The following ZNF577 variants were observed in gnomAD, a reference collection of about 807,000 sequenced individuals.
The protein encoded by ZNF577 is zinc finger protein 577.
ZNF577 carries 14 observed loss-of-function variants against 13.9 expected under a neutral mutation model. The ratio of observed to expected loss-of-function variants is 1.00; its 90% CI spans 0.66 to 1.57. The LOEUF (loss-of-function observed/expected upper bound fraction) is 1.57, where lower values mean the gene tolerates loss of function less well. Among genes scored for constraint, ZNF577 ranks in the 40% most tolerant of loss-of-function variants. The probability of loss-of-function intolerance (pLI) is 0.00; values close to 1 mark genes in which losing one functional copy is unlikely to be tolerated. For synonymous variants in ZNF577, 203 were observed against 202.9 expected (o/e 1.00, Z 0.00); for missense variants, 555 against 579.2 (o/e 0.96, Z 0.43).
intron 5 of ZNF577, among the ~76,000 whole-genome samples, chr19:51,852,914 T>G (rs2084386061): frequency 6.6e-6 from 1 of 150,826 alleles, no homozygotes; most frequent in African/African-American, 2.5e-5. Context: ...AATGGCTCTT[T>G]AAAAGACAGT....
intron 9 of ZNF577, among the ~76,000 whole-genome samples, chr19:51,837,557 CACA>C (rs2084294803): frequency 6.6e-6 from 1 of 152,112 alleles, no homozygotes; most frequent in South Asian, 2.1e-4. Flanking sequence ...CACATTTGTT[CACA>C]ACATGAATGC....
At chr19:51,883,502 T>G (rs958516270) in intron 1 of ZNF577, among the ~76,000 whole-genome samples, 1 of 152,072 alleles carries the variant, frequency 6.6e-6, no homozygotes, top group Non-Finnish European at 1.5e-5. Flanking sequence ...GTAGTTCAAC[T>G]TAGAGGTTTG....
rs928166644 is a variant in ZNF577 at position 51,842,857 on chromosome 19, T to A, written c.*338A>T. 7 of 152,250 alleles carry A rather than the reference T, an allele frequency of 4.6e-5. No individual in the cohort carries two copies. The East Asian group carries it at 1.3e-3, about 29-fold the overall frequency. 9.4% of individuals were successfully genotyped at this position (152,250 alleles called of 1,614,324 possible). On this transcript the variant is annotated 3_prime_UTR_variant and NMD_transcript_variant, in exon 8 of 11. Transcript: ENST00000638827. Reference sequence around the variant, plus strand: ...CAACTTGGGAATTCTCTCTCTACTATTCCTTGTTCTTCTTTCCCCAACTGG... The same window carrying A: ...CAACTTGGGAATTCTCTCTCTACTAATCCTTGTTCTTCTTTCCCCAACTGG...
intron 9 of ZNF577, among the ~76,000 whole-genome samples, chr19:51,833,931 C>T (rs1411463100): frequency 6.6e-6 from 1 of 152,144 alleles, no homozygotes; most frequent in African/African-American, 2.4e-5. Context: ...TATGTTGATA[C>T]ATGCATACAA....
At chr19:51,863,471 T>C (rs1178066052), downstream of ZNF577, among the ~76,000 whole-genome samples, 1 of 152,254 alleles carries the variant, frequency 6.6e-6, no homozygotes, top group Non-Finnish European at 1.5e-5. Flanking sequence ...TTGATCACAG[T>C]ATTCTGATTA....
intron 5 of ZNF577, among the ~76,000 whole-genome samples, chr19:51,847,114 T>G (rs1236578469): frequency 6.6e-6 from 1 of 152,180 alleles, no homozygotes. Flanking sequence ...TAATTTCAAG[T>G]GTATACAAAC....
Position 51,872,735 on chromosome 19 carries a change from A to T in ZNF577, c.1255T>A (p.Ser419Thr), listed in dbSNP as rs776722974. ...TTTAACAATGGCGGGGTTCCTGAGG[A>T]AGGCATTTCTATAGGTACTGTGTTC... ...TVNTVPIEMP[S>T]SGTPPLLNKS... Residue 419 changes from serine (S) to threonine (T), a missense_variant, in exon 6 of 6, where the codon TCC (serine) becomes ACC (threonine). Physicochemically the swap from Ser to Thr is moderately conservative, Grantham distance 58. Coordinates refer to ENST00000638348, the MANE Select transcript of ZNF577 (RefSeq NM_001370449.1). 1.2e-6 allele frequency: 2 copies of T among 1,614,182 alleles called. No homozygotes were observed. Among genetic ancestry groups the T allele is most frequent in the Middle Eastern group, 1.6e-4 (1 of 6,062 alleles).
chr19:51,877,151 G>T, intron 5 of ZNF577, 131 bp downstream of exon 5: 1 of 665,540 alleles, frequency 1.5e-6, no homozygotes. Context: ...ATGCAGAAAG[G>T]CTGATTAGGT....
Position 51,876,732 on chromosome 19 carries a change from C to T in ZNF577, c.283+550G>A, listed in dbSNP as rs190051285. Among the ~76,000 whole-genome samples, 1,440 of 151,968 alleles carry T rather than the reference C, an allele frequency of 9.5e-3. 13 individuals carry two copies. The highest frequency in any genetic ancestry group is 0.016 in the Admixed American group (244 of 15,264). On this transcript the variant is annotated intron_variant, in intron 5 of 5. Transcript: ENST00000638348. Reference sequence around the variant, plus strand: ...CATGAGGTCAGGAGTTTGAGACCAGCCTGGCCAATGTAGTGAAAACTCGTC... The same window carrying T: ...CATGAGGTCAGGAGTTTGAGACCAGTCTGGCCAATGTAGTGAAAACTCGTC...
At chr19:51,851,489 C>T (rs1318523547) in intron 5 of ZNF577, among the ~76,000 whole-genome samples, 1 of 152,124 alleles carries the variant, frequency 6.6e-6, no homozygotes, top group African/African-American at 2.4e-5. Flanking sequence ...ATTCTTTCAA[C>T]TTTCCCATAC....
intron 9 of ZNF577, among the ~76,000 whole-genome samples, chr19:51,812,894 G>T (rs1420844645): frequency 6.6e-6 from 1 of 152,148 alleles, no homozygotes; most frequent in Non-Finnish European, 1.5e-5. Flanking sequence ...TCTGAGGTGG[G>T]TGAATCACCT....
chr19:51,824,978 A>G lies in ZNF577; in HGVS notation c.*600-13304T>C. ...GGTTTTTCCCACAACCAAGCAATAG[A>G]CACCAGCTGGGTGTCCTACAATTAA... is the stretch of plus-strand genomic sequence containing the variant. On this transcript the variant is annotated intron_variant and NMD_transcript_variant, in intron 9 of 10. Coordinates refer to the ZNF577 transcript ENST00000638827. This position sits in a 1 kb window ranked among gnomAD's most constrained non-coding sequence, Gnocchi z 4.7. 1 of 610,862 alleles carries G rather than the reference A, an allele frequency of 1.6e-6. No homozygotes were observed. The highest frequency in any genetic ancestry group is 2.9e-6 in the Non-Finnish European group (1 of 340,484). The allele number at this position is 610,862 out of a possible 1,614,324, so 37.8% of individuals were successfully genotyped here.
intron 9 of ZNF577, among the ~76,000 whole-genome samples, chr19:51,830,187 A>C: frequency 6.6e-6 from 1 of 151,358 alleles, no homozygotes; most frequent in South Asian, 2.1e-4. Context: ...AATATAAATT[A>C]GTAGAAATTG....
At chr19:51,877,755 G>A in intron 4 of ZNF577, 1 of 175,918 alleles carries the variant, frequency 5.7e-6, no homozygotes, top group Non-Finnish European at 1.2e-5. Flanking sequence ...TTCCACTTCT[G>A]GGTATATACC....
intron 5 of ZNF577, among the ~76,000 whole-genome samples, chr19:51,846,191 A>G (rs1171146768): frequency 1.3e-5 from 2 of 152,192 alleles, no homozygotes; most frequent in Non-Finnish European, 2.9e-5. Flanking sequence ...ATGCCCAGCT[A>G]ATTTTTTATT....
At chr19:51,813,158 A>T (rs970871397) in intron 9 of ZNF577, among the ~76,000 whole-genome samples, 64 of 149,314 alleles carry the variant, frequency 4.3e-4, no homozygotes, top group African/African-American at 1.6e-3. Context: ...ACACACACAC[A>T]CACCCCATAA....
intron 9 of ZNF577, among the ~76,000 whole-genome samples, chr19:51,832,075 A>T (rs1427388358): frequency 1.3e-5 from 2 of 152,126 alleles, no homozygotes; most frequent in East Asian, 3.9e-4. Context: ...TGTCAATCAC[A>T]AAATCACCTC....
chr19:51,808,064 A>G (rs1375824726), intron 10 of ZNF577, among the ~76,000 whole-genome samples: 1 of 152,240 alleles, frequency 6.6e-6, no homozygotes, highest in East Asian at 1.9e-4. Context: ...GCCATGAGGC[A>G]TGTCTCTGCT....
intron 9 of ZNF577, among the ~76,000 whole-genome samples, chr19:51,823,533 C>T (rs1270201570): frequency 6.6e-6 from 1 of 152,108 alleles, no homozygotes; most frequent in Non-Finnish European, 1.5e-5. Context: ...TGATAGGTGG[C>T]ATGCATATTA....
Sources: allele counts gnomAD v4.1 joint callset (sites outside exome capture counted in the v4.1 genomes callset), GRCh38; gene constraint gnomAD v4.1.1; non-coding constraint Gnocchi (gnomAD v3.1); transcripts MANE v1.5; gene names NCBI Gene and HGNC (gene_info 2026-07-23, HGNC 2026-07-21).